Variants in FAM110B observed in about 807,000 individuals in gnomAD.
The protein encoded by FAM110B is protein FAM110B.
In FAM110B, 6 loss-of-function variants were observed where a neutral mutation model predicts 20.4. That is an observed-to-expected ratio of 0.29 (90% CI 0.16 to 0.58). The LOEUF (loss-of-function observed/expected upper bound fraction) is 0.58. Ranked by LOEUF, FAM110B falls within the 20% of genes least tolerant of loss-of-function variation. The pLI is 0.90. For synonymous variants in FAM110B, 226 were observed against 214.1 expected (o/e 1.06, Z -0.49); for missense variants, 434 against 498.2 (o/e 0.87, Z 1.23).
At chr8:58,065,890 A>G (rs892847753) in intron 2 of FAM110B, among the ~76,000 whole-genome samples, 1 of 152,158 alleles carries the variant, frequency 6.6e-6, no homozygotes, top group Non-Finnish European at 1.5e-5. Context: ...GCATTGTTGA[A>G]TCTGTCTCCT....
intron 1 of FAM110B, among the ~76,000 whole-genome samples, chr8:58,016,250 A>G (rs1310729933): frequency 6.6e-6 from 1 of 152,192 alleles, no homozygotes; most frequent in Non-Finnish European, 1.5e-5. Flanking sequence ...TAAAATTTGT[A>G]TTATCTATTG....
intron 1 of FAM110B, among the ~76,000 whole-genome samples, chr8:58,011,988 C>T (rs141376526): frequency 2.8e-4 from 42 of 152,298 alleles, no homozygotes; most frequent in African/African-American, 7.0e-4. Flanking sequence ...GATGGCCACA[C>T]GACATCTCAC....
intron 2 of FAM110B, among the ~76,000 whole-genome samples, chr8:58,068,437 C>A (rs1442003018): frequency 6.6e-6 from 1 of 152,184 alleles, no homozygotes; most frequent in East Asian, 1.9e-4. Flanking sequence ...ATTCCTTTCA[C>A]TGGTTTGTTT....
intron 1 of FAM110B, among the ~76,000 whole-genome samples, chr8:57,996,459 G>C (rs539309594): frequency 1.3e-5 from 2 of 152,284 alleles, no homozygotes; most frequent in African/African-American, 4.8e-5. Context: ...TCAGGGCTGA[G>C]GTTGGGTTGT....
chr8:58,002,042 G>A (rs1175062951), intron 1 of FAM110B, among the ~76,000 whole-genome samples: 1 of 151,788 alleles, frequency 6.6e-6, no homozygotes, highest in Non-Finnish European at 1.5e-5. Flanking sequence ...GAAAGAGAGA[G>A]ACAGAGAGAG....
chr8:58,123,592 G>T (rs1807420138), intron 3 of FAM110B, among the ~76,000 whole-genome samples: 1 of 152,086 alleles, frequency 6.6e-6, no homozygotes, highest in Admixed American at 6.5e-5. Flanking sequence ...AATGATAGCA[G>T]TCAGACTATT....
At chr8:58,099,322 CATT>C (rs1332524172) in intron 3 of FAM110B, among the ~76,000 whole-genome samples, 1 of 151,590 alleles carries the variant, frequency 6.6e-6, no homozygotes, top group African/African-American at 2.4e-5. Flanking sequence ...AGGCAATGCT[CATT>C]ATAAGTATAA....
At position 58,147,321 on chromosome 8, in the gene FAM110B, C is replaced by A. The variant is rs776737217; in HGVS notation, c.1091C>A (p.Ser364Ter). 1 of 1,613,738 alleles carries A rather than the reference C, an allele frequency of 6.2e-7. No homozygotes were observed. Among genetic ancestry groups the A allele is most frequent in the Non-Finnish European group, 8.5e-7 (1 of 1,179,782 alleles). Residue 364 changes from serine (S) to a stop codon, truncating the protein, a stop_gained, in exon 4 of 4, where the codon TCA (serine) becomes TAA (stop). Transcript: ENST00000519262. LOFTEE classifies it high-confidence loss of function. ...TATAGCATCAAACAAGCTAGAGAGT[C>A]ACAGAAGGTCTCCCATGTGTAAGAC... Reference protein sequence around the residue: ...WLYSIKQARESQKVSHV With the variant: ...WLYSIKQARE
intron 2 of FAM110B, among the ~76,000 whole-genome samples, chr8:58,065,330 C>T (rs981241519): frequency 6.6e-5 from 10 of 152,078 alleles, no homozygotes; most frequent in Non-Finnish European, 1.5e-4. Flanking sequence ...GATATTTGCT[C>T]ATGTATTGTT....
At chr8:58,057,225 C>T (rs1443090679) in intron 2 of FAM110B, among the ~76,000 whole-genome samples, 2 of 152,182 alleles carry the variant, frequency 1.3e-5, no homozygotes, top group Non-Finnish European at 2.9e-5. Flanking sequence ...GGTGAGAGCA[C>T]CGGACAGACG....
chr8:58,067,746 C>T (rs1465740077), intron 2 of FAM110B, among the ~76,000 whole-genome samples: 7 of 152,190 alleles, frequency 4.6e-5, no homozygotes, highest in Admixed American at 4.6e-4. Flanking sequence ...CAGCACAAGT[C>T]CTTACACATA....
chr8:58,003,615 A>T (rs909722260), intron 1 of FAM110B, among the ~76,000 whole-genome samples: 1 of 152,220 alleles, frequency 6.6e-6, no homozygotes, highest in Non-Finnish European at 1.5e-5. Flanking sequence ...AACAACATTT[A>T]TGTCTTTGTA....
At chr8:58,092,754 A>G (rs958379073) in intron 3 of FAM110B, among the ~76,000 whole-genome samples, 4 of 152,208 alleles carry the variant, frequency 2.6e-5, no homozygotes, top group Non-Finnish European at 5.9e-5. Context: ...TCTTTTGGGT[A>G]TACACCCAGT....
intron 3 of FAM110B, among the ~76,000 whole-genome samples, chr8:58,086,084 A>G (rs1419148348): frequency 2.0e-5 from 3 of 152,198 alleles, no homozygotes; most frequent in Non-Finnish European, 4.4e-5. Flanking sequence ...TGTGGCTAAA[A>G]TGAAATTAAC....
chr8:58,069,180 G>A (rs1805837392), intron 2 of FAM110B, among the ~76,000 whole-genome samples: 1 of 152,306 alleles, frequency 6.6e-6, no homozygotes, highest in Non-Finnish European at 1.5e-5. Context: ...ACTGTACGAT[G>A]GAGACATGTT....
At chr8:58,055,684 C>T (rs1805531726) in intron 2 of FAM110B, among the ~76,000 whole-genome samples, 1 of 152,168 alleles carries the variant, frequency 6.6e-6, no homozygotes, top group East Asian at 1.9e-4. Context: ...TGTTGAGAGC[C>T]AATCCTAGTC....
At chr8:58,116,530 A>G (rs1563375765) in intron 3 of FAM110B, among the ~76,000 whole-genome samples, 1 of 152,224 alleles carries the variant, frequency 6.6e-6, no homozygotes. Context: ...GGCTTTTCTT[A>G]TTTGACAGAT....
chr8:58,140,391 A>C (rs924561039), intron 3 of FAM110B, among the ~76,000 whole-genome samples: 2 of 152,198 alleles, frequency 1.3e-5, no homozygotes, highest in Non-Finnish European at 2.9e-5. Context: ...TACTATTGCT[A>C]TCCCCATTTT....
At chr8:58,020,164 G>C (rs1377732850) in intron 1 of FAM110B, among the ~76,000 whole-genome samples, 1 of 151,750 alleles carries the variant, frequency 6.6e-6, no homozygotes, top group Non-Finnish European at 1.5e-5. Context: ...TTTTATTTCT[G>C]TCTGAAAATG....
Sources: gnomAD v4.1 joint callset for allele counts (sites outside exome capture counted in the v4.1 genomes callset) on GRCh38, gnomAD v4.1.1 for gene constraint, MANE v1.5 for transcripts, NCBI Gene and HGNC (gene_info 2026-07-23, HGNC 2026-07-21) for gene names.